The following GRK1 variants were observed in gnomAD, a reference collection of about 807,000 sequenced individuals.
GRK1 encodes rhodopsin kinase GRK1.
GRK1 carries 28 observed loss-of-function variants against 41.7 expected under a neutral mutation model. That is an observed-to-expected ratio of 0.67 (90% CI 0.50 to 0.92). GRK1 has a LOEUF of 0.92. Ranked by LOEUF, GRK1 falls within the 40% of genes least tolerant of loss-of-function variation. The pLI is 0.00. For synonymous variants in GRK1, 327 were observed against 286.7 expected (o/e 1.14, Z -1.42); for missense variants, 703 against 671.2 (o/e 1.05, Z -0.52).
At chr13:113,649,426 G>A in the GRK1 span, 3 of 1,587,222 alleles carry the variant, frequency 1.9e-6, no homozygotes, top group East Asian at 2.3e-5. The surrounding 1 kb of genome is among the most constrained non-coding windows in gnomAD (Gnocchi z 4.7). Context: ...CGGGTCGTGG[G>A]GATTGTTGAA....
intron 5 of GRK1, among the ~76,000 whole-genome samples, 192 bp from the exon 6 acceptor site, chr13:113,732,692 G>A (rs531182845): frequency 6.6e-6 from 1 of 152,320 alleles, no homozygotes; most frequent in South Asian, 2.1e-4. Context: ...GTGGCTCCTG[G>A]GAGCTTCGCC....
In GRK1 at chr13:113,667,426, GC is replaced by G; in HGVS notation, c.42del (p.Phe15SerfsTer116). 1.2e-6 allele frequency: 2 copies of G among 1,602,052 alleles called. No individual in the cohort carries two copies. Among genetic ancestry groups the G allele is most frequent in the Non-Finnish European group, 1.7e-6 (2 of 1,173,224 alleles). The part of the protein sequence containing the change: ...GSLETVVANS[A>X]FIAARGSFDG... ...TTTGGAGACCGTGGTGGCCAACTCT[GC>G]CTTCATCGCCGCCCGAGGCAGCTTT... On this transcript the variant is annotated frameshift_variant, in exon 1 of 7. Transcript: ENST00000335678. LOFTEE classifies it high-confidence loss of function. The surrounding 1 kb of genome is among the most constrained non-coding windows in gnomAD (Gnocchi z 7.5).
At chr13:113,659,767 T>C in the GRK1 span, among the ~76,000 whole-genome samples, 1 of 151,962 alleles carries the variant, frequency 6.6e-6, no homozygotes, top group South Asian at 2.1e-4. Flanking sequence ...TCCTTTAACA[T>C]TGTACCCATT....
At chr13:113,659,145 C>T in the GRK1 span, among the ~76,000 whole-genome samples, 2 of 152,210 alleles carry the variant, frequency 1.3e-5, no homozygotes, top group African/African-American at 2.4e-5. Context: ...AGCACCAGGA[C>T]GTGGAGGGCT....
intron 4 of GRK1, among the ~76,000 whole-genome samples, chr13:113,729,164 G>A: frequency 6.6e-6 from 1 of 152,214 alleles, no homozygotes; most frequent in South Asian, 2.1e-4. Context: ...TGTGAGCCTG[G>A]TGTGGCTTCC....
chr13:113,662,972 A>C (rs1379630601), upstream of GRK1, among the ~76,000 whole-genome samples: 3 of 152,138 alleles, frequency 2.0e-5, no homozygotes, highest in Non-Finnish European at 2.9e-5. Flanking sequence ...AAGCAAAGGA[A>C]CTAGAATAAG....
intron 2 of GRK1, 30 bp downstream of exon 2, chr13:113,669,844 G>GC: frequency 6.2e-7 from 1 of 1,612,036 alleles, no homozygotes. Flanking sequence ...GCACGAGGGG[G>GC]CCCCGCTGTC....
At chr13:113,663,630 T>C (rs1351787164), upstream of GRK1, among the ~76,000 whole-genome samples, 1 of 152,154 alleles carries the variant, frequency 6.6e-6, no homozygotes, top group African/African-American at 2.4e-5. Flanking sequence ...AACAATCCAG[T>C]TGTTACATGG....
chr13:113,650,406 C>G, the GRK1 span: 4 of 1,613,734 alleles, frequency 2.5e-6, no homozygotes, highest in Non-Finnish European at 1.7e-6. The surrounding 1 kb of genome is among the most constrained non-coding windows in gnomAD (Gnocchi z 5.0). Flanking sequence ...AGGAACCTAC[C>G]TGGGCTTTCT....
Position 113,668,022 on chromosome 13 carries a change from C to T in GRK1, c.636C>T (p.Thr212=), listed in dbSNP as rs2049831279. ...TGTCGGCCTGCCAGATGAAGGCGAC[C>T]GGCAAGCTGTATGCCTGCAAGAAGC... ...GEVSACQMKA[T]GKLYACKKLN... The change falls in exon 1 of 7, where the codon ACC becomes ACT. Residue 212 remains threonine (T), a synonymous_variant. Transcript: ENST00000335678. 9 of 1,611,392 alleles carry T rather than the reference C, an allele frequency of 5.6e-6. No homozygotes were observed. The highest frequency in any genetic ancestry group is 3.3e-5 in the South Asian group (3 of 90,672).
the GRK1 span, chr13:113,654,743 G>C: frequency 1.3e-6 from 2 of 1,545,152 alleles, no homozygotes; most frequent in South Asian, 1.2e-5. Context: ...GGTCCCCCGG[G>C]CGTCTCCAGA....
intron 6 of GRK1, chr13:113,734,842 G>C (rs1357154762): frequency 2.4e-6 from 1 of 415,346 alleles, no homozygotes; most frequent in Non-Finnish European, 4.2e-6. Context: ...TGGGATCTCA[G>C]GCTTCTTCCG....
At position 113,731,111 on chromosome 13, in the gene GRK1, G is replaced by C; in HGVS notation, c.1070-108G>C. On this transcript the variant is annotated intron_variant, in intron 4 of 6. Coordinates refer to ENST00000335678, the MANE Select transcript of GRK1 (RefSeq NM_002929.3). The surrounding 1 kb of genome is among the most constrained non-coding windows in gnomAD (Gnocchi z 5.6). ...TCTGGCCCCAAATGTGGAGAGTGCTGAGGCCCCGGGGGGGATGCATCCCCA... is the reference window on the plus strand; with the variant it reads ...TCTGGCCCCAAATGTGGAGAGTGCTCAGGCCCCGGGGGGGATGCATCCCCA... 6.9e-7 allele frequency: 1 copy of C among 1,444,308 alleles called. No homozygotes were observed. The highest frequency in any genetic ancestry group is 9.2e-7 in the Non-Finnish European group (1 of 1,087,970). 89.5% of individuals were successfully genotyped at this position (1,444,308 alleles called of 1,614,324 possible). A position where few individuals can be genotyped will look rare whatever the true frequency, so the allele number is the denominator to read the frequency against.
rs755328701 is a variant in GRK1, at chr13:113,669,694, T to C, written c.707T>C (p.Met236Thr). Residue 236 changes from methionine (M) to threonine (T), a missense_variant, in exon 2 of 7, where the codon ATG becomes ACG. Coordinates refer to ENST00000335678, the MANE Select transcript of GRK1 (RefSeq NM_002929.3). The stretch of plus-strand genomic sequence containing the variant: ...CAGCGTCTCACTTTTCAGGGTGCTA[T>C]GGTGGAGAAGAAGATTCTGATGAAA... ...LKKRKGYQGA[M>T]VEKKILMKVH... 2.2e-5 allele frequency: 35 copies of C among 1,613,908 alleles called. No individual in the cohort carries two copies. The highest frequency in any genetic ancestry group is 2.9e-5 in the Non-Finnish European group (34 of 1,179,808).
rs868717217 is a variant in GRK1, at chr13:113,737,519, C to T, written c.*2156C>T. ...GGAGCACGTCTTCCCATAGATCCCA[C>T]GTCGGCCACACCCTGGGTGAGGAGC... On this transcript the variant is annotated 3_prime_UTR_variant, in exon 7 of 7. Coordinates refer to ENST00000335678, the MANE Select transcript of GRK1 (RefSeq NM_002929.3). 3.1e-4 allele frequency: 32 copies of T among 102,852 alleles called. No homozygotes were observed. Among genetic ancestry groups the T allele is most frequent in the South Asian group, 1.9e-3 (9 of 4,634 alleles). The allele number at this position is 102,852 out of a possible 1,614,324, so 6.4% of individuals were successfully genotyped here.
chr13:113,648,987 G>T, the GRK1 span: 1 of 158,506 alleles, frequency 6.3e-6, no homozygotes, highest in African/African-American at 2.5e-5. Context: ...TGCATTAGTA[G>T]TTTTTATATT....
the GRK1 span, among the ~76,000 whole-genome samples, chr13:113,651,381 C>T: frequency 6.6e-6 from 1 of 152,208 alleles, no homozygotes. Flanking sequence ...GTGGAAGGTG[C>T]ACTGGTCTTT....
chr13:113,651,662 C>T, the GRK1 span: 129 of 1,609,892 alleles, frequency 8.0e-5, no homozygotes, highest in Admixed American at 4.4e-4. Flanking sequence ...GCCGCGCGGC[C>T]GTACTCACCA....
intron 4 of GRK1, among the ~76,000 whole-genome samples, chr13:113,723,533 C>T (rs2049869821): frequency 6.6e-6 from 1 of 152,060 alleles, no homozygotes; most frequent in African/African-American, 2.4e-5. Flanking sequence ...AGGGGGCTTC[C>T]AGGTCATAGG....
Sources: allele counts gnomAD v4.1 joint callset (sites outside exome capture counted in the v4.1 genomes callset), GRCh38; gene constraint gnomAD v4.1.1; non-coding constraint Gnocchi (gnomAD v3.1); transcripts MANE v1.5; gene names NCBI Gene and HGNC (gene_info 2026-07-23, HGNC 2026-07-21).